SPIDR: variants seen among roughly 807,000 people sequenced by gnomAD.
SPIDR encodes the protein scaffold protein involved in DNA repair, also known as DNA repair-scaffolding protein.
SPIDR carries 93 observed loss-of-function variants against 104.6 expected under a neutral mutation model. The observed-to-expected ratio is 0.89, with a 90% CI of 0.75 to 1.06. The LOEUF is 1.06. SPIDR is among the 50% of genes least tolerant of loss of function. The pLI is 0.00. For synonymous variants in SPIDR, 431 were observed against 416.9 expected (o/e 1.03, Z -0.41); for missense variants, 1,154 against 1,111.2 (o/e 1.04, Z -0.55).
chr8:47,673,813 G>C lies in SPIDR; in HGVS notation c.1557G>C (p.Leu519=). Residue 519 remains leucine (L), a synonymous_variant, in exon 11 of 20, where the codon CTG becomes CTC. Transcript: ENST00000297423. ...TGGTTTTTTACAGAGCCTGCCTTCT[G>C]GTACAAGATGCCTGTGGAATGTTCG... ...TDPAGTRACL[L]VQDACGMFGE... 1 of 1,614,066 alleles carries C rather than the reference G, an allele frequency of 6.2e-7. No homozygotes were observed. Among genetic ancestry groups the C allele is most frequent in the Non-Finnish European group, 8.5e-7 (1 of 1,180,022 alleles).
intron 11 of SPIDR, among the ~76,000 whole-genome samples, chr8:47,677,994 A>G (rs950125931): frequency 6.6e-6 from 1 of 151,784 alleles, no homozygotes; most frequent in Non-Finnish European, 1.5e-5. Context: ...GCTTGAGCTC[A>G]GGAGTTCGAG....
At chr8:47,391,971 C>T (rs1200652538) in intron 5 of SPIDR, among the ~76,000 whole-genome samples, 2 of 131,948 alleles carry the variant, frequency 1.5e-5, no homozygotes, top group South Asian at 2.3e-4. Flanking sequence ...ACTCCAGCCT[C>T]GGCGACAGAG....
At chr8:47,551,820 A>AT (rs1415366772) in intron 8 of SPIDR, among the ~76,000 whole-genome samples, 3 of 151,778 alleles carry the variant, frequency 2.0e-5, no homozygotes, top group Non-Finnish European at 4.4e-5. Flanking sequence ...TAGCTTTTGA[A>AT]TTTTTTTGCT....
chr8:47,668,051 G>T (rs1172158678), intron 10 of SPIDR, among the ~76,000 whole-genome samples: 1 of 152,116 alleles, frequency 6.6e-6, no homozygotes, highest in Non-Finnish European at 1.5e-5. Flanking sequence ...GAGATGTTGA[G>T]CTGGTAGTTC....
intron 8 of SPIDR, among the ~76,000 whole-genome samples, chr8:47,450,993 T>C (rs1248913658): frequency 8.5e-5 from 13 of 152,166 alleles, no homozygotes; most frequent in African/African-American, 3.1e-4. Context: ...AAATGTCCAA[T>C]TCTCAACAAA....
At chr8:47,447,489 C>G (rs1472352441) in intron 8 of SPIDR, among the ~76,000 whole-genome samples, 1 of 152,216 alleles carries the variant, frequency 6.6e-6, no homozygotes, top group Non-Finnish European at 1.5e-5. Context: ...GCTGGGACTA[C>G]AGGCGTGAGC....
At chr8:47,280,518 G>A (rs1253368524) in intron 2 of SPIDR, among the ~76,000 whole-genome samples, 4 of 151,660 alleles carry the variant, frequency 2.6e-5, no homozygotes, top group Non-Finnish European at 4.4e-5. Flanking sequence ...TCAGCCTCTC[G>A]AATAGCTTGG....
chr8:47,707,824 A>C (rs190112588), intron 14 of SPIDR, among the ~76,000 whole-genome samples: 82 of 152,354 alleles, frequency 5.4e-4, no homozygotes, highest in African/African-American at 1.8e-3. Context: ...TTGGATATCC[A>C]TTCATTCCAG....
chr8:47,618,595 G>C (rs1404571515), intron 10 of SPIDR, among the ~76,000 whole-genome samples: 1 of 152,114 alleles, frequency 6.6e-6, no homozygotes, highest in Non-Finnish European at 1.5e-5. Flanking sequence ...TACCTGGCAA[G>C]TAATTTATTA....
At chr8:47,335,904 A>ATATGCC (rs1177258287) in intron 5 of SPIDR, among the ~76,000 whole-genome samples, 9 of 150,446 alleles carry the variant, frequency 6.0e-5, no homozygotes, top group African/African-American at 2.2e-4. Flanking sequence ...TTGAAAAATG[A>ATATGCC]TATGCCTAAG....
chr8:47,567,926 A>G (rs1313677597), intron 8 of SPIDR, among the ~76,000 whole-genome samples: 1 of 150,658 alleles, frequency 6.6e-6, no homozygotes, highest in Non-Finnish European at 1.5e-5. Flanking sequence ...CTGGGACCAT[A>G]GGCATGTGCC....
chr8:47,700,437 T>A lies in SPIDR; in HGVS notation c.1720T>A (p.Trp574Arg). The A allele has an allele frequency of 6.2e-7, 1 of 1,614,240 alleles. No homozygotes were observed. The highest frequency in any genetic ancestry group is 1.1e-5 in the South Asian group (1 of 91,086). The change falls in exon 12 of 20, where the codon TGG becomes AGG. Residue 574 changes from tryptophan to arginine, a missense_variant. By Grantham distance (101) the Trp-to-Arg change is moderately radical. Coordinates refer to ENST00000297423, the MANE Select transcript of SPIDR (RefSeq NM_001080394.4). ...AGIFSLIDTL[W>R]PPAIPLKTPG... ...GATTTTCAGTTTGATTGACACCCTG[T>A]GGCCCCCAGCGATACCTCTGAAAAC...
At chr8:47,287,781 G>A (rs1481838481) in intron 3 of SPIDR, among the ~76,000 whole-genome samples, 4 of 152,076 alleles carry the variant, frequency 2.6e-5, no homozygotes, top group Non-Finnish European at 4.4e-5. Flanking sequence ...ATTTCATATT[G>A]TTCAAACACA....
intron 5 of SPIDR, among the ~76,000 whole-genome samples, chr8:47,317,275 G>C (rs1237035337): frequency 2.0e-5 from 3 of 152,136 alleles, no homozygotes; most frequent in Admixed American, 6.5e-5. Context: ...TTTTCCAATG[G>C]TCTTAGCAGA....
intron 5 of SPIDR, among the ~76,000 whole-genome samples, chr8:47,382,890 A>G (rs1179876986): frequency 6.6e-6 from 1 of 152,198 alleles, no homozygotes; most frequent in Non-Finnish European, 1.5e-5. Context: ...GGAAGATTTC[A>G]AGTTAGAGAA....
chr8:47,586,421 A>G (rs2060257328), intron 8 of SPIDR, among the ~76,000 whole-genome samples: 1 of 152,110 alleles, frequency 6.6e-6, no homozygotes, highest in Admixed American at 6.6e-5. Context: ...CAATGTTGAT[A>G]TTATGTTTTG....
At chr8:47,367,713 T>C (rs575456500) in intron 5 of SPIDR, among the ~76,000 whole-genome samples, 24 of 152,312 alleles carry the variant, frequency 1.6e-4, no homozygotes, top group Admixed American at 6.5e-4. Flanking sequence ...TTCATAGCAC[T>C]TAGTGGAGTG....
At chr8:47,501,153 A>C (rs916271459) in intron 8 of SPIDR, among the ~76,000 whole-genome samples, 5 of 152,182 alleles carry the variant, frequency 3.3e-5, no homozygotes, top group African/African-American at 4.8e-5. Context: ...TAGGAACTTT[A>C]AAGTAGTTTT....
At chr8:47,429,931 A>G (rs1554687903) in intron 7 of SPIDR, among the ~76,000 whole-genome samples, 2 of 152,118 alleles carry the variant, frequency 1.3e-5, no homozygotes, top group Admixed American at 6.5e-5. Context: ...TTAACTCGTC[A>G]TTTAGCATTA....
Sources: gnomAD v4.1 joint callset for allele counts (sites outside exome capture counted in the v4.1 genomes callset) on GRCh38, gnomAD v4.1.1 for gene constraint, MANE v1.5 for transcripts, NCBI Gene and HGNC (gene_info 2026-07-23, HGNC 2026-07-21) for gene names.